Variants in MCM10 observed in about 807,000 individuals in gnomAD.
MCM10 encodes protein MCM10 homolog.
MCM10 carries 91 observed loss-of-function variants against 109.9 expected under a neutral mutation model. The ratio of observed to expected loss-of-function variants is 0.83; its 90% CI spans 0.70 to 0.99. MCM10 has a LOEUF of 0.99. Ranked by LOEUF, MCM10 falls within the 50% of genes least tolerant of loss-of-function variation. The pLI, the probability that MCM10 is intolerant of heterozygous loss-of-function variation, is 0.00. For missense variants in MCM10, 1,077 were observed against 1,061.2 expected (o/e 1.01, Z -0.21); for synonymous variants, 380 against 387.2 (o/e 0.98, Z 0.22).
rs1353703755 is a variant in MCM10 at position 13,204,990 on chromosome 10, GTATGTATGTATGTATATATATATATATA to G, written c.2498+630_2498+657del. Among the ~76,000 whole-genome samples the G allele has an allele frequency of 7.0e-3, 826 of 118,688 alleles. 43 individuals are homozygous for G. Among genetic ancestry groups the G allele is most frequent in the Admixed American group, 0.059 (694 of 11,828 alleles). 77.9% of individuals were successfully genotyped at this position (118,688 alleles called of 152,430 possible). A position where few individuals can be genotyped will look rare whatever the true frequency, so the allele number is the denominator to read the frequency against. On this transcript the variant is annotated intron_variant, in intron 18 of 19. Coordinates refer to ENST00000378714, the MANE Select transcript of MCM10 (RefSeq NM_018518.5). ...ATTTTTTATTGTGCTTCTCATGTAT[GTATGTATGTATGTATATATATATATATA>G]TATATATATATATATATATATATAT...
Position 13,210,040 on chromosome 10 carries a change from ATAT to A in MCM10, c.*735_*737del, listed in dbSNP as rs572435725. 142 of 150,738 alleles carry A rather than the reference ATAT, an allele frequency of 9.4e-4. No homozygotes were observed. Among genetic ancestry groups the A allele is most frequent in the African/African-American group, 3.3e-3 (137 of 41,384 alleles). The allele number at this position is 150,738 out of a possible 1,614,324, so 9.3% of individuals were successfully genotyped here. A position where few individuals can be genotyped will look rare whatever the true frequency, so the allele number is the denominator to read the frequency against. ...CTGTGATAGAAATATGTAAAATCTC[ATAT>A]TATTTTTTTTTTAATTTTTTTATTT... On this transcript the variant is annotated 3_prime_UTR_variant, in exon 20 of 20. Transcript: ENST00000378714.
At chr10:13,200,900 T>A (rs1489047105) in intron 16 of MCM10, among the ~76,000 whole-genome samples, 2 of 152,194 alleles carry the variant, frequency 1.3e-5, no homozygotes, top group African/African-American at 4.8e-5. Flanking sequence ...ATCCTAGCAC[T>A]TTGGGAGGCC....
intron 13 of MCM10, among the ~76,000 whole-genome samples, chr10:13,192,784 C>T (rs1332805707): frequency 2.6e-5 from 4 of 152,006 alleles, no homozygotes; most frequent in African/African-American, 7.3e-5. Context: ...AGGTTAGAGT[C>T]GTTATCACCA....
At chr10:13,186,943 G>C (rs1564387431) in intron 9 of MCM10, among the ~76,000 whole-genome samples, 1 of 152,228 alleles carries the variant, frequency 6.6e-6, no homozygotes, top group Non-Finnish European at 1.5e-5. Flanking sequence ...AGTGAGCTGA[G>C]ATCGCACTAT....
chr10:13,189,193 C>T (rs1240125634), intron 10 of MCM10, 113 bp downstream of exon 10: 2 of 1,175,978 alleles, frequency 1.7e-6, no homozygotes, highest in Non-Finnish European at 2.4e-6. Flanking sequence ...TTTTATCTTT[C>T]ATAACTCACT....
At chr10:13,183,780 G>T (rs1211931644) in intron 8 of MCM10, among the ~76,000 whole-genome samples, 1 of 152,026 alleles carries the variant, frequency 6.6e-6, no homozygotes, top group Non-Finnish European at 1.5e-5. Context: ...CGTCTCCTGG[G>T]CGTAAGTGAT....
chr10:13,185,251 G>T (rs1034744022), intron 8 of MCM10, among the ~76,000 whole-genome samples: 15 of 152,190 alleles, frequency 9.9e-5, no homozygotes, highest in Non-Finnish European at 1.3e-4. Flanking sequence ...TAACCTGGAG[G>T]CTACTTGGCT....
At chr10:13,190,951 A>C (rs916480648) in intron 10 of MCM10, among the ~76,000 whole-genome samples, 1 of 152,214 alleles carries the variant, frequency 6.6e-6, no homozygotes, top group African/African-American at 2.4e-5. Flanking sequence ...ATGACATTAT[A>C]AACAAAGCTG....
chr10:13,198,833 G>A lies in MCM10; in HGVS notation c.2238+26G>A, dbSNP rs764800148. The A allele has an allele frequency of 2.0e-6, 3 of 1,464,432 alleles. No homozygotes were observed. In the African/African-American group the frequency reaches 4.2e-5, roughly 20 times the overall value. The allele number at this position is 1,464,432 out of a possible 1,614,324, so 90.7% of individuals were successfully genotyped here. On this transcript the variant is annotated intron_variant, in intron 16 of 19. Transcript: ENST00000378714. The stretch of plus-strand genomic sequence containing the variant: ...GTAAGAGCCCAAAAGCTCAAGGATG[G>A]TGTTGATGTCCGATGTCCTTCAAAG...
chr10:13,180,721 T>A, intron 7 of MCM10, 114 bp downstream of exon 7: 1 of 1,242,320 alleles, frequency 8.0e-7, no homozygotes, highest in Non-Finnish European at 1.2e-6. Context: ...ATAAGTATAG[T>A]AAGTTCCAGA....
rs1466738367 is a variant in MCM10, at chr10:13,175,655, G to A, written c.738G>A (p.Val246=). 1.9e-6 allele frequency: 3 copies of A among 1,610,774 alleles called. No individual in the cohort carries two copies. The highest frequency in any genetic ancestry group is 2.2e-5 in the South Asian group (2 of 90,664). Residue 246 remains valine, a synonymous_variant, in exon 6 of 20, where the codon GTG becomes GTA. Transcript: ENST00000378714. The part of the protein sequence containing the change: ...SSGETTQPIC[V]EAFSGLRLRR... Reference sequence around the variant, plus strand: ...GGGAAACGACTCAACCCATCTGTGTGGAAGCCTTCTCTGGTCTGCGGCTCA... The same window carrying A: ...GGGAAACGACTCAACCCATCTGTGTAGAAGCCTTCTCTGGTCTGCGGCTCA...
intron 15 of MCM10, 116 bp downstream of exon 15, chr10:13,197,883 G>A: frequency 3.0e-6 from 3 of 1,006,920 alleles, no homozygotes; most frequent in Non-Finnish European, 4.3e-6. Flanking sequence ...CTCCTATATA[G>A]AATACCTAAA....
chr10:13,162,045 C>A (rs1165560577), intron 1 of MCM10, among the ~76,000 whole-genome samples: 2 of 152,118 alleles, frequency 1.3e-5, no homozygotes, highest in Non-Finnish European at 2.9e-5. Flanking sequence ...AACAAATGCA[C>A]GACAGTGGAC....
intron 5 of MCM10, among the ~76,000 whole-genome samples, chr10:13,173,547 G>T (rs189832321): frequency 6.6e-6 from 1 of 152,058 alleles, no homozygotes; most frequent in African/African-American, 2.4e-5. Flanking sequence ...TTTTATTGCC[G>T]GGAGACCTAA....
intron 13 of MCM10, 67 bp downstream of exon 13, chr10:13,192,635 A>C (rs981515603): frequency 2.1e-6 from 3 of 1,401,442 alleles, no homozygotes; most frequent in Non-Finnish European, 3.0e-6. Context: ...GAACGTCTTC[A>C]TCGATTTCCA....
chr10:13,174,257 C>G (rs973055294), intron 5 of MCM10, among the ~76,000 whole-genome samples: 2 of 150,544 alleles, frequency 1.3e-5, no homozygotes, highest in African/African-American at 4.9e-5. Flanking sequence ...ATTCTCCTGC[C>G]TCAGCCTCTG....
At chr10:13,171,573 A>C (rs1834073500) in intron 3 of MCM10, among the ~76,000 whole-genome samples, 1 of 152,174 alleles carries the variant, frequency 6.6e-6, no homozygotes, top group Non-Finnish European at 1.5e-5. Context: ...GCCAGAGACA[A>C]GGTTGCAAAG....
At chr10:13,209,008 T>G (rs1268785215) in intron 18 of MCM10, 83 bp from the exon 19 acceptor site, 2 of 932,334 alleles carry the variant, frequency 2.1e-6, no homozygotes, top group Non-Finnish European at 3.5e-6. Context: ...GGGCCTACTC[T>G]CCCCAGGTGC....
intron 1 of MCM10, among the ~76,000 whole-genome samples, chr10:13,163,559 A>C (rs2076927151): frequency 6.6e-6 from 1 of 151,988 alleles, no homozygotes; most frequent in South Asian, 2.1e-4. Context: ...TTGAATCAAA[A>C]TCCTGATTGT....
Sources: allele counts gnomAD v4.1 joint callset (sites outside exome capture counted in the v4.1 genomes callset), GRCh38; gene constraint gnomAD v4.1.1; transcripts MANE v1.5; gene names NCBI Gene and HGNC (gene_info 2026-07-23, HGNC 2026-07-21).